Variants in OSGIN1 observed in about 807,000 individuals in gnomAD.
The protein encoded by OSGIN1 is oxidative stress-induced growth inhibitor 1.
In OSGIN1, 19 loss-of-function variants were observed where a neutral mutation model predicts 20.1. The ratio of observed to expected loss-of-function variants is 0.95; its 90% CI spans 0.66 to 1.39. The LOEUF (loss-of-function observed/expected upper bound fraction) is 1.39. OSGIN1 is among the 40% of genes most tolerant of loss of function. The pLI is 0.00. For missense variants in OSGIN1, 820 were observed against 653.0 expected (o/e 1.26, Z -2.79); for synonymous variants, 368 against 297.8 (o/e 1.24, Z -2.43).
chr16:83,962,020 C>T (rs1428141404), intron 5 of OSGIN1, among the ~76,000 whole-genome samples: 6 of 151,216 alleles, frequency 4.0e-5, no homozygotes, highest in Non-Finnish European at 5.9e-5. Flanking sequence ...AACCATGAGC[C>T]CCCAAGTTGG....
intron 3 of OSGIN1, among the ~76,000 whole-genome samples, chr16:83,960,249 T>A (rs1909138591): frequency 6.6e-6 from 1 of 152,172 alleles, no homozygotes; most frequent in South Asian, 2.1e-4. Flanking sequence ...AATATGCCCG[T>A]CTGTGTTATC....
At chr16:83,964,179 C>T (rs778112106) in intron 5 of OSGIN1, among the ~76,000 whole-genome samples, 7 of 152,232 alleles carry the variant, frequency 4.6e-5, no homozygotes, top group East Asian at 3.9e-4. Flanking sequence ...CGCTGCATGC[C>T]TGTAGTTCCA....
At chr16:83,962,495 C>A (rs551970533) in intron 5 of OSGIN1, among the ~76,000 whole-genome samples, 259 of 152,344 alleles carry the variant, frequency 1.7e-3, no homozygotes, top group African/African-American at 5.7e-3. Context: ...CCCACCTCGG[C>A]CTCCCAAAGT....
At position 83,965,124 on chromosome 16, in the gene OSGIN1, T is replaced by C. The variant is rs1282820474; in HGVS notation, c.551T>C (p.Val184Ala). ...GCCCACTACTACAGGGACTACGTGG[T>C]CAAGAAGGGTCTGGGGCATAACTTT... ...DIAHYYRDYV[V>A]KKGLGHNFVS... is the part of the protein sequence containing the mutation. Residue 184 changes from valine to alanine, a missense_variant, in exon 6 of 6, where the codon GTC (valine) becomes GCC (alanine). Val to Ala is a moderately conservative substitution (Grantham distance 64). Transcript: ENST00000393306. 1.2e-6 allele frequency: 2 copies of C among 1,613,242 alleles called. No homozygotes were observed. The highest frequency in any genetic ancestry group is 1.1e-5 in the South Asian group (1 of 91,074).
At chr16:83,953,717 A>C (rs960417526) in intron 1 of OSGIN1, among the ~76,000 whole-genome samples, 2 of 152,082 alleles carry the variant, frequency 1.3e-5, no homozygotes, top group African/African-American at 2.4e-5. Flanking sequence ...TTCCAAGGCC[A>C]CTGGGTCGGC....
chr16:83,960,633 A>G lies in OSGIN1; in HGVS notation c.269A>G (p.Asp90Gly). 4 of 1,613,522 alleles carry G rather than the reference A, an allele frequency of 2.5e-6. No homozygotes were observed. The highest frequency in any genetic ancestry group is 2.5e-6 in the Non-Finnish European group (3 of 1,180,016). Reference protein sequence around the residue: ...RSQSPVALLFDALLRPDTDFG... With the variant: ...RSQSPVALLFGALLRPDTDFG... Reference sequence around the variant, plus strand: ...CAAAGCCCCGTGGCCCTGCTCTTTGATGCCCTTCTACGCCCAGACACAGAC... The same window carrying G: ...CAAAGCCCCGTGGCCCTGCTCTTTGGTGCCCTTCTACGCCCAGACACAGAC... The change falls in exon 4 of 6, where the codon GAT becomes GGT. Residue 90 changes from aspartate (D) to glycine (G), a missense_variant. Coordinates refer to ENST00000393306, the MANE Select transcript of OSGIN1 (RefSeq NM_182981.3).
Position 83,960,561 on chromosome 16 carries a change from C to T in OSGIN1, c.205-8C>T, listed in dbSNP as rs767430386. 6.2e-7 allele frequency: 1 copy of T among 1,611,506 alleles called. No homozygotes were observed. Among genetic ancestry groups the T allele is most frequent in the Non-Finnish European group, 8.5e-7 (1 of 1,178,806 alleles). ...CCAGCAGCCCCTCTGACCTATGCCC[C>T]CCTCCAGGACCTGGACTACCTGTCC... On this transcript the variant is annotated splice_region_variant and splice_polypyrimidine_tract_variant and intron_variant, in intron 3 of 5. Transcript: ENST00000393306.
chr16:83,955,846 A>G (rs531537139), intron 1 of OSGIN1, among the ~76,000 whole-genome samples: 1 of 152,232 alleles, frequency 6.6e-6, no homozygotes, highest in Non-Finnish European at 1.5e-5. Context: ...CTCTCTGGAA[A>G]GGGAGGAGGA....
chr16:83,955,358 C>T (rs755463967), intron 1 of OSGIN1, among the ~76,000 whole-genome samples: 48 of 152,314 alleles, frequency 3.2e-4, no homozygotes, highest in Non-Finnish European at 4.7e-4. Context: ...CTGCCACTAG[C>T]GCTGCGACAG....
At chr16:83,959,163 A>G in intron 2 of OSGIN1, 97 bp from the exon 3 acceptor site, 3 of 804,746 alleles carry the variant, frequency 3.7e-6, no homozygotes, top group Non-Finnish European at 4.2e-6. Context: ...AATGAAGGAT[A>G]AATGAATGAA....
At position 83,961,423 on chromosome 16, in the gene OSGIN1, C is replaced by G. The variant is rs547117995; in HGVS notation, c.488+351C>G. Among the ~76,000 whole-genome samples, 189 of 152,206 alleles carry G rather than the reference C, an allele frequency of 1.2e-3. 1 individual carries two copies. The highest frequency in any genetic ancestry group is 4.3e-3 in the African/African-American group (179 of 41,530). On this transcript the variant is annotated intron_variant, in intron 5 of 5. Coordinates refer to ENST00000393306, the MANE Select transcript of OSGIN1 (RefSeq NM_182981.3). ...ATTCTTTTGAGGTTCTGATGAGCCT[C>G]TCCAAATGAGGCGATCAGATACGCA...
At chr16:83,965,007 AG>A in intron 5 of OSGIN1, 54 bp from the exon 6 acceptor site, 2 of 475,786 alleles carry the variant, frequency 4.2e-6, no homozygotes, top group East Asian at 4.4e-5. Flanking sequence ...CGTCCCACCC[AG>A]CCCCCCAACC....
chr16:83,965,429 G>T lies in OSGIN1; in HGVS notation c.856G>T (p.Asp286Tyr), dbSNP rs1379297176. 1 of 1,589,098 alleles carries T rather than the reference G, an allele frequency of 6.3e-7. No individual in the cohort carries two copies. ...GGTGGGTGCGGTGACCCCGGCCTCAGACCCTGTCCTCATCATTGGCGCGGG... is the reference window on the plus strand; with the variant it reads ...GGTGGGTGCGGTGACCCCGGCCTCATACCCTGTCCTCATCATTGGCGCGGG... The part of the protein sequence containing the change: ...TRVGAVTPAS[D>Y]PVLIIGAGLS... Residue 286 changes from aspartate to tyrosine, a missense_variant, in exon 6 of 6, where the codon GAC becomes TAC. Physicochemically the swap from Asp to Tyr is radical, Grantham distance 160 (BLOSUM62 -3). Transcript: ENST00000393306.
intron 1 of OSGIN1, among the ~76,000 whole-genome samples, chr16:83,955,393 C>T (rs1258473983): frequency 6.6e-6 from 1 of 152,204 alleles, no homozygotes; most frequent in Non-Finnish European, 1.5e-5. Context: ...CTGGAACGGA[C>T]ACTGCACGTT....
chr16:83,965,869 C>T lies in OSGIN1; in HGVS notation c.1296C>T (p.Phe432=), dbSNP rs1156291966. 4.3e-6 allele frequency: 7 copies of T among 1,612,836 alleles called. No homozygotes were observed. Among genetic ancestry groups the T allele is most frequent in the Non-Finnish European group, 5.9e-6 (7 of 1,180,014 alleles). Residue 432 remains phenylalanine, a synonymous_variant, in exon 6 of 6, where the codon TTC becomes TTT. Transcript: ENST00000393306. ...GGAACCCCATTGACGTGGACCCCTT[C>T]ACCTACCAGAGCACCCGCCAGGAGG... The part of the protein sequence containing the change: ...AKRNPIDVDP[F]TYQSTRQEGL...
chr16:83,963,160 G>A (rs965411866), intron 5 of OSGIN1, among the ~76,000 whole-genome samples: 8 of 152,300 alleles, frequency 5.3e-5, no homozygotes, highest in South Asian at 2.1e-4. Context: ...TCTTTGATGC[G>A]AAGACTCTTC....
chr16:83,962,217 T>G (rs1189295923), intron 5 of OSGIN1, among the ~76,000 whole-genome samples: 1 of 152,056 alleles, frequency 6.6e-6, no homozygotes, highest in Non-Finnish European at 1.5e-5. Context: ...TGGGTCTCAG[T>G]TAATTTAGGA....
chr16:83,955,346 G>A (rs911369281), intron 1 of OSGIN1, among the ~76,000 whole-genome samples: 10 of 152,108 alleles, frequency 6.6e-5, no homozygotes, highest in African/African-American at 2.2e-4. Context: ...CTGCCTCCCC[G>A]CCTGCCACTA....
Position 83,960,722 on chromosome 16 carries a change from G to A in OSGIN1, c.358G>A (p.Val120Met), listed in dbSNP as rs959600399. Residue 120 changes from valine (V) to methionine (M), a missense_variant, in exon 4 of 6, where the codon GTG (valine) becomes ATG (methionine). Val to Met is a conservative substitution (Grantham distance 21). Transcript: ENST00000393306. ...KHRKEHAIPH[V>M]VLGRNLPGGA... Reference sequence around the variant, plus strand: ...CCGGAAGGAGCACGCCATCCCCCACGTGGTTCTGGGCCGGAACCTCCCCGG... The same window carrying A: ...CCGGAAGGAGCACGCCATCCCCCACATGGTTCTGGGCCGGAACCTCCCCGG... 39 of 1,613,310 alleles carry A rather than the reference G, an allele frequency of 2.4e-5. No individual in the cohort carries two copies. Among genetic ancestry groups the A allele is most frequent in the Admixed American group, 5.0e-5 (3 of 60,010 alleles).
Sources: allele counts gnomAD v4.1 joint callset (sites outside exome capture counted in the v4.1 genomes callset), GRCh38; gene constraint gnomAD v4.1.1; transcripts MANE v1.5; gene names NCBI Gene and HGNC (gene_info 2026-07-23, HGNC 2026-07-21).